SLC35D2: variants seen among roughly 807,000 people sequenced by gnomAD.
The protein encoded by SLC35D2 is nucleotide sugar transporter SLC35D2.
A neutral mutation model predicts 41.8 loss-of-function variants in SLC35D2; 43 were observed. That is an observed-to-expected ratio of 1.03 (90% CI 0.81 to 1.33). The LOEUF (loss-of-function observed/expected upper bound fraction) is 1.33. Ranked by LOEUF, SLC35D2 falls within the 40% of genes most tolerant of loss-of-function variation. The pLI, the probability that SLC35D2 is intolerant of heterozygous loss-of-function variation, is 0.00. For missense variants in SLC35D2, 380 were observed against 408.4 expected (o/e 0.93, Z 0.60); for synonymous variants, 150 against 163.9 (o/e 0.92, Z 0.65).
At chr9:96,362,580 T>C (rs1830319202) in intron 3 of SLC35D2, among the ~76,000 whole-genome samples, 1 of 152,014 alleles carries the variant, frequency 6.6e-6, no homozygotes, top group Non-Finnish European at 1.5e-5. Flanking sequence ...AAGAAAATTA[T>C]TGTTAGAAAA....
At chr9:96,328,385 G>A (rs963614102) in intron 9 of SLC35D2, among the ~76,000 whole-genome samples, 1 of 152,088 alleles carries the variant, frequency 6.6e-6, no homozygotes, top group Non-Finnish European at 1.5e-5. Context: ...CAAAGTGCTG[G>A]GATTACAGGT....
In SLC35D2 at chr9:96,321,025, A is replaced by G. The variant is rs1318081330; in HGVS notation, c.*217T>C. On this transcript the variant is annotated 3_prime_UTR_variant, in exon 12 of 12. Coordinates refer to ENST00000253270, the MANE Select transcript of SLC35D2 (RefSeq NM_007001.3). ...AGTCCCAGTGGCTTATTTTGAAAAG[A>G]TTTGCTTTCCACAGGTAAGGTGTCG... is the stretch of plus-strand genomic sequence containing the variant. 1 of 470,920 alleles carries G rather than the reference A, an allele frequency of 2.1e-6. No individual in the cohort carries two copies. The highest frequency in any genetic ancestry group is 3.8e-6 in the Non-Finnish European group (1 of 263,804). 29.2% of individuals were successfully genotyped at this position (470,920 alleles called of 1,614,324 possible).
rs187935108 is a variant in SLC35D2, at chr9:96,342,960, C to A, written c.684+944G>T. On this transcript the variant is annotated intron_variant, in intron 8 of 11. Coordinates refer to ENST00000253270, the MANE Select transcript of SLC35D2 (RefSeq NM_007001.3). Reference sequence around the variant, plus strand: ...ATGGGTAAATGGGTGCTGCCCCAGCCCCAGGCCAGCAATGACGGGGTTATC... The same window carrying A: ...ATGGGTAAATGGGTGCTGCCCCAGCACCAGGCCAGCAATGACGGGGTTATC... Among the ~76,000 whole-genome samples, 619 of 152,306 alleles carry A rather than the reference C, an allele frequency of 4.1e-3. 5 individuals carry two copies. Among genetic ancestry groups the A allele is most frequent in the South Asian group, 5.0e-3 (24 of 4,830 alleles).
At chr9:96,380,158 G>A (rs780495486) in intron 1 of SLC35D2, among the ~76,000 whole-genome samples, 1 of 152,028 alleles carries the variant, frequency 6.6e-6, no homozygotes, top group Non-Finnish European at 1.5e-5. Flanking sequence ...CAGCCTCCCA[G>A]AGTGCTGGGA....
chr9:96,344,421 G>A (rs1302206288), intron 7 of SLC35D2, among the ~76,000 whole-genome samples: 1 of 148,650 alleles, frequency 6.7e-6, no homozygotes, highest in Non-Finnish European at 1.5e-5. Context: ...TCATTAAAGT[G>A]GCCACACCAC....
chr9:96,350,596 C>T (rs1163258798), intron 6 of SLC35D2, among the ~76,000 whole-genome samples: 1 of 151,978 alleles, frequency 6.6e-6, no homozygotes, highest in Non-Finnish European at 1.5e-5. Flanking sequence ...ACTTGGAGTC[C>T]TCGTTATTCC....
intron 6 of SLC35D2, among the ~76,000 whole-genome samples, chr9:96,349,946 C>G (rs1829740967): frequency 6.6e-6 from 1 of 152,072 alleles, no homozygotes; most frequent in Non-Finnish European, 1.5e-5. Context: ...AAATTTCATT[C>G]CAAAAAAAGC....
intron 8 of SLC35D2, among the ~76,000 whole-genome samples, chr9:96,338,393 A>G (rs575742163): frequency 3.9e-5 from 6 of 152,110 alleles, no homozygotes; most frequent in Non-Finnish European, 8.8e-5. Context: ...AAAAGGATAC[A>G]CATGACAAAA....
chr9:96,349,492 T>G (rs1383743405), intron 6 of SLC35D2, among the ~76,000 whole-genome samples: 1 of 152,008 alleles, frequency 6.6e-6, no homozygotes, highest in Non-Finnish European at 1.5e-5. Flanking sequence ...GGTAAATCTG[T>G]GTGTCTTTCT....
intron 11 of SLC35D2, among the ~76,000 whole-genome samples, chr9:96,321,725 G>A (rs1828238446): frequency 1.3e-5 from 2 of 152,156 alleles, no homozygotes; most frequent in East Asian, 1.9e-4. Context: ...CACTTTATAG[G>A]AGGAGGGCAG....
chr9:96,383,433 G>A, intron 1 of SLC35D2, 44 bp downstream of exon 1: 1 of 1,466,466 alleles, frequency 6.8e-7, no homozygotes, highest in Non-Finnish European at 9.2e-7. Context: ...GACAGGGGCA[G>A]CCCCGCACTC....
chr9:96,346,320 C>T (rs954377622), intron 6 of SLC35D2, among the ~76,000 whole-genome samples: 1 of 152,102 alleles, frequency 6.6e-6, no homozygotes, highest in Non-Finnish European at 1.5e-5. Context: ...ATTTGGGCTT[C>T]AAGGAACAAA....
intron 6 of SLC35D2, among the ~76,000 whole-genome samples, chr9:96,347,971 T>C (rs1451873051): frequency 6.6e-6 from 1 of 152,188 alleles, no homozygotes; most frequent in African/African-American, 2.4e-5. Flanking sequence ...AATCCACCCC[T>C]TGTTTAGCAA....
At chr9:96,383,164 G>A (rs1386801265) in intron 1 of SLC35D2, among the ~76,000 whole-genome samples, 2 of 152,200 alleles carry the variant, frequency 1.3e-5, no homozygotes, top group Non-Finnish European at 2.9e-5. Context: ...CTTTGAAGCA[G>A]GCATTTGAAT....
chr9:96,375,730 G>C (rs1830917312), intron 1 of SLC35D2, among the ~76,000 whole-genome samples: 1 of 151,430 alleles, frequency 6.6e-6, no homozygotes, highest in African/African-American at 2.4e-5. Context: ...AGAGTCTTCT[G>C]ATTCTGGCTG....
intron 10 of SLC35D2, 100 bp from the exon 11 acceptor site, chr9:96,322,180 TAG>T (rs1320491791): frequency 4.0e-6 from 3 of 756,398 alleles, no homozygotes; most frequent in Non-Finnish European, 6.8e-6. Context: ...TTACTTTGCA[TAG>T]AGACTTGTAC....
At chr9:96,378,861 AG>A (rs1307448600) in intron 1 of SLC35D2, among the ~76,000 whole-genome samples, 1 of 151,912 alleles carries the variant, frequency 6.6e-6, no homozygotes, top group Non-Finnish European at 1.5e-5. Context: ...CCCAGGAGGT[AG>A]AGGCTGCTGT....
intron 8 of SLC35D2, among the ~76,000 whole-genome samples, chr9:96,340,195 TGTTAGTAGTG>T (rs1156821516): frequency 6.6e-6 from 1 of 152,180 alleles, no homozygotes; most frequent in Non-Finnish European, 1.5e-5. Context: ...TACAGAGCAA[TGTTAGTAGTG>T]GAAATCTCAC....
chr9:96,313,770 C>T (rs1138695), exon 12 of SLC35D2, among the ~76,000 whole-genome samples: 98,025 of 152,154 alleles, frequency 0.64, 32,671 homozygotes, highest in African/African-American at 0.82. Flanking sequence ...CTGAGCCACT[C>T]GTCTGGGTGC....
Sources: allele counts gnomAD v4.1 joint callset (sites outside exome capture counted in the v4.1 genomes callset), GRCh38; gene constraint gnomAD v4.1.1; transcripts MANE v1.5; gene names NCBI Gene and HGNC (gene_info 2026-07-23, HGNC 2026-07-21).